Variants in KCNG3 observed in about 807,000 individuals in gnomAD.
KCNG3 encodes the protein potassium voltage-gated channel modifier subfamily G member 3.
Under a neutral mutation model 29.0 loss-of-function variants are expected in KCNG3, and 15 were observed. That is an observed-to-expected ratio of 0.52 (90% confidence interval 0.35 to 0.80). KCNG3 has a LOEUF of 0.80. Ranked by LOEUF, KCNG3 falls within the 30% of genes least tolerant of loss-of-function variation. The pLI is 0.01. For synonymous variants in KCNG3, 322 were observed against 248.9 expected (o/e 1.29, Z -2.76); for missense variants, 512 against 605.7 (o/e 0.85, Z 1.62).
intron 1 of KCNG3, among the ~76,000 whole-genome samples, chr2:42,482,685 C>T (rs1178225751): frequency 1.3e-4 from 20 of 152,090 alleles, no homozygotes; most frequent in East Asian, 7.7e-4. Flanking sequence ...GCTGAGATTG[C>T]ACCACTGCAC....
the KCNG3 span, among the ~76,000 whole-genome samples, chr2:42,432,420 C>G: frequency 2.6e-5 from 4 of 152,188 alleles, no homozygotes; most frequent in Non-Finnish European, 5.9e-5. Context: ...CCCGGAAATT[C>G]AGAGCTGTTT....
At chr2:42,410,758 C>T in the KCNG3 span, among the ~76,000 whole-genome samples, 4 of 151,940 alleles carry the variant, frequency 2.6e-5, no homozygotes, top group Admixed American at 6.6e-5. Flanking sequence ...GGATGTAGTT[C>T]CAAGTTGTTT....
chr2:42,438,828 C>T (rs1479420878), downstream of KCNG3, among the ~76,000 whole-genome samples: 2 of 150,050 alleles, frequency 1.3e-5, no homozygotes, highest in African/African-American at 2.5e-5. Context: ...GGCAGTAAAT[C>T]ATTAGTCTAC....
chr2:42,463,250 C>A (rs753874154), intron 1 of KCNG3: 3 of 315,466 alleles, frequency 9.5e-6, no homozygotes, highest in African/African-American at 2.2e-5. Flanking sequence ...TCTGAGTGTA[C>A]CCTAAACCTA....
chr2:42,471,675 T>C (rs1004334641), intron 1 of KCNG3, among the ~76,000 whole-genome samples: 5 of 151,872 alleles, frequency 3.3e-5, no homozygotes, highest in African/African-American at 7.3e-5. Context: ...GAATGAGCAA[T>C]ACAAACAACA....
chr2:42,400,520 A>G, the KCNG3 span, among the ~76,000 whole-genome samples: 1 of 152,192 alleles, frequency 6.6e-6, no homozygotes, highest in Non-Finnish European at 1.5e-5. Flanking sequence ...AGAATGAACT[A>G]AAGAAAAACA....
the KCNG3 span, among the ~76,000 whole-genome samples, chr2:42,415,171 G>A: frequency 6.6e-6 from 1 of 152,048 alleles, no homozygotes; most frequent in African/African-American, 2.4e-5. Context: ...GCAGGTACAG[G>A]GATCTGAGCT....
intron 1 of KCNG3, among the ~76,000 whole-genome samples, chr2:42,474,190 C>T (rs1673364211): frequency 6.6e-6 from 1 of 151,572 alleles, no homozygotes; most frequent in South Asian, 2.1e-4. Flanking sequence ...TCCCACAACC[C>T]TTGCTCTGGG....
At chr2:42,480,376 T>G (rs1673551562) in intron 1 of KCNG3, among the ~76,000 whole-genome samples, 1 of 152,074 alleles carries the variant, frequency 6.6e-6, no homozygotes, top group African/African-American at 2.4e-5. Flanking sequence ...ACTGGTAAAG[T>G]GTTAAGTCCA....
At chr2:42,480,758 TAAAAAAAA>T (rs11338189) in intron 1 of KCNG3, among the ~76,000 whole-genome samples, 4 of 122,658 alleles carry the variant, frequency 3.3e-5, no homozygotes, top group Non-Finnish European at 5.0e-5. Flanking sequence ...AACCCCATCT[TAAAAAAAA>T]AAAAAAAAAA....
Position 42,493,578 on chromosome 2 carries a change from C to A in KCNG3, c.-77G>T, listed in dbSNP as rs61383670. 1.3e-5 allele frequency: 16 copies of A among 1,218,048 alleles called. No homozygotes were observed. The highest frequency in any genetic ancestry group is 3.1e-4 in the Middle Eastern group (1 of 3,244). The allele number at this position is 1,218,048 out of a possible 1,614,324, so 75.5% of individuals were successfully genotyped here. A position where few individuals can be genotyped will look rare whatever the true frequency, so the allele number is the denominator to read the frequency against. ...CCCCAAGCCGCCACGCGGGGCCTGC[C>A]TGCCCGTGGCTGACGGGGGAGCGCG... On this transcript the variant is annotated 5_prime_UTR_variant, in exon 1 of 2. It adds an upstream start codon to the 5' untranslated region. Transcript: ENST00000306078.
At chr2:42,487,409 A>G (rs1280733655) in intron 1 of KCNG3, among the ~76,000 whole-genome samples, 1 of 138,980 alleles carries the variant, frequency 7.2e-6, no homozygotes, top group East Asian at 2.2e-4. Flanking sequence ...CAGTGGCGTG[A>G]GCTCAGCTCA....
intron 1 of KCNG3, among the ~76,000 whole-genome samples, chr2:42,464,421 G>C (rs116631348): frequency 0.01 from 1,562 of 152,196 alleles, 27 homozygotes; most frequent in African/African-American, 0.034. Context: ...TAGACTATAA[G>C]GTCTTCCTGA....
At chr2:42,441,338 T>C (rs150794954), downstream of KCNG3, among the ~76,000 whole-genome samples, 535 of 152,176 alleles carry the variant, frequency 3.5e-3, 5 homozygotes, top group African/African-American at 0.012. Context: ...CAGTGAGCTA[T>C]GATCACACCA....
chr2:42,453,434 C>A (rs1672810219), intron 1 of KCNG3, among the ~76,000 whole-genome samples: 1 of 152,168 alleles, frequency 6.6e-6, no homozygotes, highest in Non-Finnish European at 1.5e-5. Context: ...TTTTGATTTG[C>A]ACTTCTGTGA....
At chr2:42,485,278 A>C (rs1673693129) in intron 1 of KCNG3, among the ~76,000 whole-genome samples, 2 of 152,226 alleles carry the variant, frequency 1.3e-5, no homozygotes, top group African/African-American at 4.8e-5. Context: ...TCAAAATTAT[A>C]GCAAGACTTT....
chr2:42,458,458 T>C (rs1004854978), intron 1 of KCNG3, among the ~76,000 whole-genome samples: 3 of 151,766 alleles, frequency 2.0e-5, no homozygotes, highest in Non-Finnish European at 4.4e-5. Context: ...AAACAGGGAC[T>C]GATGACCCCC....
chr2:42,449,845 G>A (rs1163445047), intron 1 of KCNG3, among the ~76,000 whole-genome samples: 3 of 152,284 alleles, frequency 2.0e-5, no homozygotes, highest in South Asian at 2.1e-4. Flanking sequence ...GCAGGAGCAC[G>A]CAGCAGTGAT....
At chr2:42,479,371 T>TAGTCACTC (rs1673522588) in intron 1 of KCNG3, among the ~76,000 whole-genome samples, 1 of 152,132 alleles carries the variant, frequency 6.6e-6, no homozygotes, top group Non-Finnish European at 1.5e-5. Flanking sequence ...TAGCCAGGCT[T>TAGTCACTC]AGTCACTCAC....
Sources: gnomAD v4.1 joint callset for allele counts (sites outside exome capture counted in the v4.1 genomes callset) on GRCh38, gnomAD v4.1.1 for gene constraint, MANE v1.5 for transcripts, NCBI Gene and HGNC (gene_info 2026-07-23, HGNC 2026-07-21) for gene names.